SNTB1: variants seen among roughly 807,000 people sequenced by gnomAD.
The protein encoded by SNTB1 is syntrophin beta 1.
SNTB1 carries 36 observed loss-of-function variants against 48.9 expected under a neutral mutation model. The ratio of observed to expected loss-of-function variants is 0.74; its 90% CI spans 0.56 to 0.97. SNTB1 has a LOEUF of 0.97. SNTB1 is among the 50% of genes least tolerant of loss of function. SNTB1 has a pLI of 0.00. For synonymous variants in SNTB1, 299 were observed against 294.6 expected (o/e 1.01, Z -0.15); for missense variants, 786 against 703.4 (o/e 1.12, Z -1.33).
chr8:120,548,961 G>GGA lies in SNTB1; in HGVS notation c.1137-5_1137-4dup, dbSNP rs138861807. 708 of 1,509,998 alleles carry GGA rather than the reference G, an allele frequency of 4.7e-4. No homozygotes were observed. The highest frequency in any genetic ancestry group is 5.4e-4 in the Non-Finnish European group (606 of 1,122,144). 93.5% of individuals were successfully genotyped at this position (1,509,998 alleles called of 1,614,324 possible). Reference sequence around the variant, plus strand: ...TTCCTGGACCTGAATGGACCAGCCTGGAGAGAGAGAGAGAGAGACATCATC... The same window carrying GGA: ...TTCCTGGACCTGAATGGACCAGCCTGGAGAGAGAGAGAGAGAGAGACATCATC... On this transcript the variant is annotated splice_polypyrimidine_tract_variant and splice_region_variant and intron_variant, in intron 4 of 6. Coordinates refer to ENST00000517992, the MANE Select transcript of SNTB1 (RefSeq NM_021021.4).
rs181018587 is a variant in SNTB1 at position 120,656,750 on chromosome 8, C to G, written c.789-24099G>C. ...TTTAAACTAGGGTTGCCAGAGTTAG[C>G]AAATAAAAATGTTTGATGCCCAGTT... On this transcript the variant is annotated intron_variant, in intron 2 of 6. Coordinates refer to ENST00000517992, the MANE Select transcript of SNTB1 (RefSeq NM_021021.4). Among the ~76,000 whole-genome samples the G allele has an allele frequency of 3.3e-5, 5 of 152,216 alleles. No homozygotes were observed. In the East Asian group the frequency reaches 9.6e-4, roughly 29 times the overall value.
At chr8:120,714,545 A>G (rs184974754) in intron 1 of SNTB1, among the ~76,000 whole-genome samples, 2 of 152,146 alleles carry the variant, frequency 1.3e-5, no homozygotes, top group East Asian at 3.9e-4. Context: ...TCTAGACAGG[A>G]AGCAGGCACC....
intron 1 of SNTB1, among the ~76,000 whole-genome samples, chr8:120,772,342 T>G (rs1164523474): frequency 6.6e-6 from 1 of 151,180 alleles, no homozygotes; most frequent in African/African-American, 2.4e-5. Context: ...GCCTCCCAGG[T>G]TCAAAGCATT....
chr8:120,569,351 C>G (rs1815805565), intron 4 of SNTB1, among the ~76,000 whole-genome samples: 1 of 152,178 alleles, frequency 6.6e-6, no homozygotes, highest in African/African-American at 2.4e-5. Flanking sequence ...ATATTGGATG[C>G]AGGCTTATGG....
Position 120,540,253 on chromosome 8 carries a change from C to T in SNTB1, c.1525-1284G>A, listed in dbSNP as rs961116593. ...ATCTCTGGTCCCTTCCCCCTCCACACTGGGAAGGTCTGTGGCCCACCTCCA... is the reference window on the plus strand; with the variant it reads ...ATCTCTGGTCCCTTCCCCCTCCACATTGGGAAGGTCTGTGGCCCACCTCCA... On this transcript the variant is annotated intron_variant, in intron 6 of 6. Coordinates refer to ENST00000517992, the MANE Select transcript of SNTB1 (RefSeq NM_021021.4). Among the ~76,000 whole-genome samples, 4 of 152,160 alleles carry T rather than the reference C, an allele frequency of 2.6e-5. No homozygotes were observed. In the East Asian group the frequency reaches 5.8e-4, roughly 22 times the overall value.
At chr8:120,612,966 AGATGG>A (rs1816649180) in intron 3 of SNTB1, among the ~76,000 whole-genome samples, 1 of 152,304 alleles carries the variant, frequency 6.6e-6, no homozygotes, top group African/African-American at 2.4e-5. Flanking sequence ...ATAGTCACTC[AGATGG>A]AACTGGAGGT....
At chr8:120,790,634 A>G (rs1156585878) in intron 1 of SNTB1, among the ~76,000 whole-genome samples, 1 of 151,956 alleles carries the variant, frequency 6.6e-6, no homozygotes, top group Non-Finnish European at 1.5e-5. Context: ...TTCCTTTTAC[A>G]ATAGCAAAAA....
intron 1 of SNTB1, among the ~76,000 whole-genome samples, chr8:120,716,433 C>T (rs7014354): frequency 0.036 from 5,557 of 152,268 alleles, 144 homozygotes; most frequent in Non-Finnish European, 0.05. Flanking sequence ...CCTTAGCCAA[C>T]ATTCTAGGCA....
intron 4 of SNTB1, among the ~76,000 whole-genome samples, chr8:120,571,840 G>A (rs947071400): frequency 2.6e-5 from 4 of 151,980 alleles, no homozygotes; most frequent in African/African-American, 9.7e-5. Context: ...TTTTACTTTA[G>A]TAGCCATTCT....
At chr8:120,750,730 G>A (rs565191872) in intron 1 of SNTB1, among the ~76,000 whole-genome samples, 32 of 152,230 alleles carry the variant, frequency 2.1e-4, no homozygotes, top group African/African-American at 7.0e-4. Flanking sequence ...AGAGAAGAAG[G>A]ATGCTGAGAG....
At chr8:120,634,088 C>T (rs574893144) in intron 2 of SNTB1, among the ~76,000 whole-genome samples, 2 of 152,216 alleles carry the variant, frequency 1.3e-5, no homozygotes, top group Non-Finnish European at 2.9e-5. Context: ...AATCCCTAGG[C>T]AACAACTAAC....
At chr8:120,773,576 T>C (rs186615758) in intron 1 of SNTB1, among the ~76,000 whole-genome samples, 3 of 152,254 alleles carry the variant, frequency 2.0e-5, no homozygotes, top group Admixed American at 6.5e-5. Context: ...TAAGGCACCA[T>C]CTGGTCCTTT....
intron 2 of SNTB1, among the ~76,000 whole-genome samples, chr8:120,661,130 A>G (rs557581533): frequency 3.3e-5 from 5 of 152,268 alleles, no homozygotes; most frequent in Non-Finnish European, 4.4e-5. Flanking sequence ...AGTGTGCACA[A>G]TGTGTTGGAA....
intron 1 of SNTB1, among the ~76,000 whole-genome samples, chr8:120,699,455 A>G (rs1818267893): frequency 6.6e-6 from 1 of 151,312 alleles, no homozygotes; most frequent in South Asian, 2.1e-4. Flanking sequence ...AGAGTCTGGG[A>G]CCTCCCCCTT....
intron 3 of SNTB1, among the ~76,000 whole-genome samples, chr8:120,600,820 G>A (rs1279372909): frequency 3.3e-5 from 5 of 151,754 alleles, no homozygotes; most frequent in African/African-American, 1.2e-4. Context: ...GGGCTGTGGG[G>A]TGAAGGAAGC....
intron 4 of SNTB1, among the ~76,000 whole-genome samples, chr8:120,574,699 TC>T (rs1815921867): frequency 6.6e-6 from 1 of 152,146 alleles, no homozygotes; most frequent in South Asian, 2.1e-4. Context: ...AGTGGAGCAT[TC>T]CCACATAACA....
chr8:120,542,523 G>C (rs1201312337), intron 5 of SNTB1, among the ~76,000 whole-genome samples: 1 of 152,132 alleles, frequency 6.6e-6, no homozygotes, highest in Non-Finnish European at 1.5e-5. Flanking sequence ...ACATGGTGGT[G>C]TGTGCCTGTA....
At chr8:120,564,889 A>G (rs1195572173) in intron 4 of SNTB1, among the ~76,000 whole-genome samples, 1 of 152,064 alleles carries the variant, frequency 6.6e-6, no homozygotes, top group Non-Finnish European at 1.5e-5. Context: ...TATTTTTTAG[A>G]TGTGGAAACA....
intron 2 of SNTB1, among the ~76,000 whole-genome samples, chr8:120,653,088 C>T (rs539902526): frequency 1.8e-4 from 27 of 152,250 alleles, no homozygotes; most frequent in African/African-American, 6.5e-4. Flanking sequence ...TGGTCTCTGC[C>T]TCCAATTAAC....
Sources: gnomAD v4.1 joint callset for allele counts (sites outside exome capture counted in the v4.1 genomes callset) on GRCh38, gnomAD v4.1.1 for gene constraint, MANE v1.5 for transcripts, NCBI Gene and HGNC (gene_info 2026-07-23, HGNC 2026-07-21) for gene names.